Variants in PIGK observed in about 807,000 individuals in gnomAD.
PIGK encodes GPI-anchor transamidase.
Under a neutral mutation model 50.6 loss-of-function variants are expected in PIGK, and 42 were observed. That is an observed-to-expected ratio of 0.83 (90% CI 0.65 to 1.07). The LOEUF (loss-of-function observed/expected upper bound fraction) is 1.07, where lower values mean the gene tolerates loss of function less well. Ranked by LOEUF, PIGK falls within the 50% of genes least tolerant of loss-of-function variation. The pLI, the probability that PIGK is intolerant of heterozygous loss-of-function variation, is 0.00. For missense variants in PIGK, 448 were observed against 488.7 expected (o/e 0.92, Z 0.78); for synonymous variants, 151 against 156.0 (o/e 0.97, Z 0.24).
chr1:77,164,080 C>T (rs975564659), intron 5 of PIGK, 138 bp from the exon 6 acceptor site: 8 of 519,322 alleles, frequency 1.5e-5, no homozygotes, highest in Non-Finnish European at 2.7e-5. Flanking sequence ...TGAAAACAAA[C>T]AAATTGAATT....
At position 77,111,543 on chromosome 1, in the gene PIGK, T is replaced by C. The variant is rs1481973223; in HGVS notation, c.1071+10732A>G. On this transcript the variant is annotated intron_variant, in intron 10 of 10. Transcript: ENST00000370812. Reference sequence around the variant, plus strand: ...AACACCACATGTTCTCACTCATAGGTGGGAATTGAACAATGAGAACACTTG... The same window carrying C: ...AACACCACATGTTCTCACTCATAGGCGGGAATTGAACAATGAGAACACTTG... 2.1e-5 allele frequency among the ~76,000 whole-genome samples: 3 copies of C among 142,354 alleles called. No homozygotes were observed. The East Asian group carries it at 6.2e-4, about 30-fold the overall frequency. The allele number at this position is 142,354 out of a possible 152,430, so 93.4% of individuals were successfully genotyped here. A position where few individuals can be genotyped will look rare whatever the true frequency, so the allele number is the denominator to read the frequency against.
chr1:77,206,594 T>C, intron 3 of PIGK, 46 bp downstream of exon 3: 1 of 975,570 alleles, frequency 1.0e-6, no homozygotes, highest in Non-Finnish European at 1.6e-6. Flanking sequence ...TATCTAAGGG[T>C]TATTTTCACT....
intron 3 of PIGK, among the ~76,000 whole-genome samples, chr1:77,178,546 T>C (rs377459408): frequency 3.9e-5 from 6 of 152,294 alleles, no homozygotes; most frequent in African/African-American, 1.2e-4. Context: ...ACGTAGATTA[T>C]AGAGATTCAG....
intron 9 of PIGK, among the ~76,000 whole-genome samples, chr1:77,139,118 A>G (rs907642926): frequency 6.6e-6 from 1 of 152,008 alleles, no homozygotes; most frequent in African/African-American, 2.4e-5. Flanking sequence ...CTTTTCTCCT[A>G]ACCCTCACAC....
chr1:77,107,825 T>A (rs942937280), intron 10 of PIGK, among the ~76,000 whole-genome samples: 1 of 152,216 alleles, frequency 6.6e-6, no homozygotes, highest in Non-Finnish European at 1.5e-5. Context: ...GTTGAATTGA[T>A]CCCTATACCA....
intron 3 of PIGK, among the ~76,000 whole-genome samples, chr1:77,175,583 A>G (rs1382915967): frequency 4.6e-5 from 7 of 152,220 alleles, no homozygotes; most frequent in Non-Finnish European, 1.0e-4. Context: ...AAAAATTATA[A>G]GAAAGCATGA....
At chr1:77,189,117 C>T (rs1447599758) in intron 3 of PIGK, among the ~76,000 whole-genome samples, 2 of 152,142 alleles carry the variant, frequency 1.3e-5, no homozygotes, top group African/African-American at 2.4e-5. Context: ...GATTTATTGA[C>T]TTCATATCAG....
chr1:77,122,357 T>C lies in PIGK; in HGVS notation c.989A>G (p.Tyr330Cys), dbSNP rs1183616375. ...QQDSEIMESS[Y>C]KEDQMDEKLM... ...TTTCTCATCCATCTGGTCTTCCTTATAGCTGGAAAAGATAATTTAAAAACA... is the reference window on the plus strand; with the variant it reads ...TTTCTCATCCATCTGGTCTTCCTTACAGCTGGAAAAGATAATTTAAAAACA... Residue 330 changes from tyrosine to cysteine, a missense_variant and splice_region_variant, in exon 10 of 11, where the codon TAT (tyrosine) becomes TGT (cysteine). Tyr to Cys is a radical substitution (Grantham distance 194, BLOSUM62 -2). Transcript: ENST00000370812. The C allele has an allele frequency of 2.5e-6, 4 of 1,574,804 alleles. No individual in the cohort carries two copies. The highest frequency in any genetic ancestry group is 1.3e-5 in the African/African-American group (1 of 74,094).
rs769654190 is a variant in PIGK at position 77,161,416 on chromosome 1, G to T, written c.703-11C>A. ...AGGATCAGGTTGATGCTATGGAAAG[G>T]GGGAAAAAAAGTATTTCTAACAGTA... On this transcript the variant is annotated splice_polypyrimidine_tract_variant and intron_variant, in intron 7 of 10. Transcript: ENST00000370812. 2 of 1,401,824 alleles carry T rather than the reference G, an allele frequency of 1.4e-6. No individual in the cohort carries two copies. The highest frequency in any genetic ancestry group is 1.0e-6 in the Non-Finnish European group (1 of 989,482). The allele number at this position is 1,401,824 out of a possible 1,614,324, so 86.8% of individuals were successfully genotyped here.
At chr1:77,206,561 C>G in intron 3 of PIGK, 79 bp downstream of exon 3, 1 of 829,408 alleles carries the variant, frequency 1.2e-6, no homozygotes, top group Non-Finnish European at 1.9e-6. Flanking sequence ...AAAAGTAACA[C>G]AAAATACAAA....
At chr1:77,162,406 C>T (rs919162132) in intron 6 of PIGK, among the ~76,000 whole-genome samples, 2 of 152,046 alleles carry the variant, frequency 1.3e-5, no homozygotes, top group Admixed American at 1.3e-4. Context: ...AGTATAAGTG[C>T]TTGGGAACAG....
intron 9 of PIGK, among the ~76,000 whole-genome samples, chr1:77,140,343 CT>C (rs1654622320): frequency 6.6e-6 from 1 of 152,034 alleles, no homozygotes; most frequent in Non-Finnish European, 1.5e-5. Context: ...CCCAACCCCC[CT>C]GCCCCGCTCA....
chr1:77,103,285 C>CA (rs979537233), intron 10 of PIGK, among the ~76,000 whole-genome samples: 123 of 150,602 alleles, frequency 8.2e-4, no homozygotes, highest in Middle Eastern at 3.4e-3. Context: ...CTTTTCTACT[C>CA]AAAAAAAAAG....
intron 5 of PIGK, among the ~76,000 whole-genome samples, chr1:77,165,217 AAAT>A (rs1170897712): frequency 2.0e-5 from 3 of 152,146 alleles, no homozygotes; most frequent in Non-Finnish European, 2.9e-5. Flanking sequence ...AACAAACAAA[AAAT>A]AATAATAATA....
intron 3 of PIGK, among the ~76,000 whole-genome samples, chr1:77,203,802 T>C (rs1486178801): frequency 6.6e-6 from 1 of 152,176 alleles, no homozygotes; most frequent in East Asian, 1.9e-4. Flanking sequence ...TGAACATAAA[T>C]TGTGAAGATT....
At chr1:77,102,711 T>C (rs1653577056) in intron 10 of PIGK, among the ~76,000 whole-genome samples, 1 of 152,202 alleles carries the variant, frequency 6.6e-6, no homozygotes, top group African/African-American at 2.4e-5. Flanking sequence ...TTCGGTAATT[T>C]GTTACAGCAG....
Position 77,158,117 on chromosome 1 carries a change from A to C in PIGK, c.813+3178T>G, listed in dbSNP as rs144710979. Among the ~76,000 whole-genome samples, 1,077 of 152,290 alleles carry C rather than the reference A, an allele frequency of 7.1e-3. 17 individuals are homozygous for C. The highest frequency in any genetic ancestry group is 0.025 in the African/African-American group (1,022 of 41,572). ...CTGCAACCTCTGCCTCCCAGGTTCA[A>C]GTGATGCTTCTGCCTCAGCCTCCCG... On this transcript the variant is annotated intron_variant, in intron 8 of 10. Transcript: ENST00000370812.
intron 9 of PIGK, among the ~76,000 whole-genome samples, chr1:77,133,791 C>T (rs1488967618): frequency 6.6e-6 from 1 of 152,136 alleles, no homozygotes; most frequent in African/African-American, 2.4e-5. Context: ...CCTGGCAGGT[C>T]TTTGTCTCAA....
chr1:77,123,917 A>G (rs998858936), intron 9 of PIGK, among the ~76,000 whole-genome samples: 1 of 152,040 alleles, frequency 6.6e-6, no homozygotes, highest in African/African-American at 2.4e-5. Flanking sequence ...TAAAGTAGTA[A>G]TTAGCTTACA....
Sources: allele counts gnomAD v4.1 joint callset (sites outside exome capture counted in the v4.1 genomes callset), GRCh38; gene constraint gnomAD v4.1.1; transcripts MANE v1.5; gene names NCBI Gene and HGNC (gene_info 2026-07-23, HGNC 2026-07-21).